The following ZC3H8 variants were observed in gnomAD, a reference collection of about 807,000 sequenced individuals.
ZC3H8 encodes the protein zinc finger CCCH-type containing 8.
ZC3H8 carries 27 observed loss-of-function variants against 42.5 expected under a neutral mutation model. That is an observed-to-expected ratio of 0.64 (90% CI 0.47 to 0.88). The LOEUF (loss-of-function observed/expected upper bound fraction) is 0.88, where lower values mean the gene tolerates loss of function less well. Ranked by LOEUF, ZC3H8 falls within the 40% of genes least tolerant of loss-of-function variation. The pLI is 0.00. For synonymous variants in ZC3H8, 101 were observed against 110.1 expected (o/e 0.92, Z 0.52); for missense variants, 277 against 336.1 (o/e 0.82, Z 1.37).
chr2:112,224,074 G>C (rs1436550100), intron 8 of ZC3H8, among the ~76,000 whole-genome samples: 2 of 152,122 alleles, frequency 1.3e-5, no homozygotes, highest in Non-Finnish European at 2.9e-5. Flanking sequence ...GGGAGGCAGA[G>C]GTTGTGGTGA....
At chr2:112,225,096 G>C (rs1399270798) in intron 8 of ZC3H8, among the ~76,000 whole-genome samples, 6 of 152,312 alleles carry the variant, frequency 3.9e-5, no homozygotes, top group Non-Finnish European at 7.4e-5. Context: ...GTAGTATGTA[G>C]AAAGAGAATT....
chr2:112,229,495 A>T (rs1418273674), intron 8 of ZC3H8, among the ~76,000 whole-genome samples: 2 of 152,208 alleles, frequency 1.3e-5, no homozygotes, highest in Admixed American at 6.5e-5. Flanking sequence ...TGCTGTAAAC[A>T]GGGCTTTGCC....
chr2:112,254,478 A>C (rs1210384123), intron 1 of ZC3H8, among the ~76,000 whole-genome samples: 2 of 152,226 alleles, frequency 1.3e-5, no homozygotes, highest in Non-Finnish European at 2.9e-5. Flanking sequence ...TCTACAGAAA[A>C]GAACCTAGGA....
At position 112,253,438 on chromosome 2, in the gene ZC3H8, C is replaced by T. The variant is rs1377155646; in HGVS notation, c.74+1470G>A. 3.9e-5 allele frequency among the ~76,000 whole-genome samples: 6 copies of T among 152,306 alleles called. No individual in the cohort carries two copies. In the South Asian group the frequency reaches 8.3e-4, roughly 21 times the overall value. Reference sequence around the variant, plus strand: ...AAACCAGAAACCATATGAGAAAAGACTGATTCATCTGACTGCATAAAACCA... The same window carrying T: ...AAACCAGAAACCATATGAGAAAAGATTGATTCATCTGACTGCATAAAACCA... On this transcript the variant is annotated intron_variant, in intron 1 of 8. Coordinates refer to ENST00000409573, the MANE Select transcript of ZC3H8 (RefSeq NM_032494.3).
chr2:112,240,763 C>G (rs180897220), intron 2 of ZC3H8, among the ~76,000 whole-genome samples: 1 of 152,044 alleles, frequency 6.6e-6, no homozygotes, highest in South Asian at 2.1e-4. Flanking sequence ...TAATTGAATA[C>G]TTTTCTTCAC....
intron 8 of ZC3H8, 61 bp downstream of exon 8, chr2:112,230,842 A>G (rs1217975997): frequency 1.7e-5 from 19 of 1,127,342 alleles, no homozygotes; most frequent in Non-Finnish European, 2.1e-5. Flanking sequence ...TTGAGGTTGC[A>G]TGCCAACTTC....
At chr2:112,218,002 C>A (rs979266713) in intron 8 of ZC3H8, among the ~76,000 whole-genome samples, 3 of 152,106 alleles carry the variant, frequency 2.0e-5, no homozygotes, top group African/African-American at 7.2e-5. Flanking sequence ...CAAACTCCTG[C>A]CTCCACCTCC....
chr2:112,226,479 C>T (rs566770166), intron 8 of ZC3H8, among the ~76,000 whole-genome samples: 100 of 150,708 alleles, frequency 6.6e-4, no homozygotes, highest in African/African-American at 2.4e-3. Context: ...GTCCCAGCTA[C>T]TCAGGAAGCT....
chr2:112,226,315 G>A (rs936568541), intron 8 of ZC3H8, among the ~76,000 whole-genome samples: 4 of 151,728 alleles, frequency 2.6e-5, no homozygotes, highest in South Asian at 2.1e-4. Flanking sequence ...GCGGCTGGGC[G>A]CGGTAGCTCA....
chr2:112,226,314 C>A (rs185890090), intron 8 of ZC3H8, among the ~76,000 whole-genome samples: 1 of 151,384 alleles, frequency 6.6e-6, no homozygotes, highest in Admixed American at 6.6e-5. Flanking sequence ...AGCGGCTGGG[C>A]GCGGTAGCTC....
In ZC3H8 at chr2:112,231,831, T is replaced by C; in HGVS notation, c.843+7A>G. The C allele has an allele frequency of 2.6e-6, 4 of 1,524,606 alleles. No individual in the cohort carries two copies. Among genetic ancestry groups the C allele is most frequent in the Non-Finnish European group, 3.6e-6 (4 of 1,121,872 alleles). 94.4% of individuals were successfully genotyped at this position (1,524,606 alleles called of 1,614,324 possible). A position where few individuals can be genotyped will look rare whatever the true frequency, so the allele number is the denominator to read the frequency against. ...AAAAACAAAAGATTATTAAAAATTA[T>C]ACTTACTTTAGCCAACAATTCTTGT... On this transcript the variant is annotated splice_region_variant and intron_variant, in intron 7 of 8. Transcript: ENST00000409573.
At chr2:112,234,661 G>A (rs1034819230) in intron 4 of ZC3H8, among the ~76,000 whole-genome samples, 3 of 152,104 alleles carry the variant, frequency 2.0e-5, no homozygotes, top group Non-Finnish European at 4.4e-5. Flanking sequence ...TTAGCTGGGA[G>A]TGGTGGTGTG....
intron 2 of ZC3H8, among the ~76,000 whole-genome samples, chr2:112,247,595 A>G (rs1403986706): frequency 6.6e-6 from 1 of 152,086 alleles, no homozygotes; most frequent in Non-Finnish European, 1.5e-5. Context: ...AAATAAGTTA[A>G]TTAATTAATT....
chr2:112,254,906 A>G lies in ZC3H8; in HGVS notation c.74+2T>C. 1 of 1,613,116 alleles carries G rather than the reference A, an allele frequency of 6.2e-7. No individual in the cohort carries two copies. Among genetic ancestry groups the G allele is most frequent in the Non-Finnish European group, 8.5e-7 (1 of 1,179,500 alleles). ...TCAAAAGATGAAAAGATATGGGATC[A>G]CCTTTCGTCAGAGTCCGTGGCCGTT... On this transcript the variant is annotated splice_donor_variant, in intron 1 of 8. Transcript: ENST00000409573. LOFTEE classifies it high-confidence loss of function.
chr2:112,252,730 C>T (rs773202523), intron 1 of ZC3H8, among the ~76,000 whole-genome samples: 1 of 152,174 alleles, frequency 6.6e-6, no homozygotes, highest in African/African-American at 2.4e-5. Flanking sequence ...GACCTTTATA[C>T]AGACTCCTCT....
intron 6 of ZC3H8, among the ~76,000 whole-genome samples, chr2:112,232,331 A>AT (rs1216995979): frequency 6.6e-6 from 1 of 151,842 alleles, no homozygotes; most frequent in East Asian, 1.9e-4. Flanking sequence ...AAAAAAAAAA[A>AT]AAAGACCTTT....
chr2:112,234,266 G>A, intron 4 of ZC3H8, 30 bp from the exon 5 acceptor site: 3 of 1,438,412 alleles, frequency 2.1e-6, no homozygotes, highest in Non-Finnish European at 2.8e-6. Flanking sequence ...AAAACTAAAT[G>A]TAAGAAACAG....
At chr2:112,237,992 T>G (rs1256045720) in intron 3 of ZC3H8, among the ~76,000 whole-genome samples, 1 of 152,192 alleles carries the variant, frequency 6.6e-6, no homozygotes, top group Admixed American at 6.5e-5. Flanking sequence ...CCTCTTTAAA[T>G]GACAGCAATA....
chr2:112,234,805 G>GAA (rs112803375), intron 4 of ZC3H8, among the ~76,000 whole-genome samples: 2 of 134,926 alleles, frequency 1.5e-5, no homozygotes, highest in African/African-American at 5.4e-5. Context: ...ATCTCAGGGA[G>GAA]AAAAAAAAAA....
Sources: allele counts gnomAD v4.1 joint callset (sites outside exome capture counted in the v4.1 genomes callset), GRCh38; gene constraint gnomAD v4.1.1; transcripts MANE v1.5; gene names NCBI Gene and HGNC (gene_info 2026-07-23, HGNC 2026-07-21).